ANAPC10: variants seen among roughly 807,000 people sequenced by gnomAD.
ANAPC10 encodes the protein anaphase promoting complex subunit 10.
ANAPC10 carries 12 observed loss-of-function variants against 22.0 expected under a neutral mutation model. That is an observed-to-expected ratio of 0.55 (90% CI 0.35 to 0.88). The LOEUF (loss-of-function observed/expected upper bound fraction) is 0.88, where lower values mean the gene tolerates loss of function less well. ANAPC10 is among the 40% of genes least tolerant of loss of function. ANAPC10 has a pLI of 0.01. For synonymous variants in ANAPC10, 65 were observed against 69.5 expected (o/e 0.94, Z 0.32); for missense variants, 188 against 220.9 (o/e 0.85, Z 0.94).
chr4:145,080,758 T>C (rs1745877058), intron 3 of ANAPC10, among the ~76,000 whole-genome samples: 3 of 151,560 alleles, frequency 2.0e-5, no homozygotes, highest in African/African-American at 7.3e-5. Context: ...AAATACAAAA[T>C]TAGCCGGGCG....
intron 4 of ANAPC10, among the ~76,000 whole-genome samples, chr4:145,021,876 C>T (rs1736002616): frequency 6.6e-6 from 1 of 152,046 alleles, no homozygotes; most frequent in African/African-American, 2.4e-5. Flanking sequence ...AGACAATTAT[C>T]AAAAGAAGAT....
intron 4 of ANAPC10, among the ~76,000 whole-genome samples, chr4:145,010,316 T>C (rs1222697632): frequency 6.6e-6 from 1 of 152,160 alleles, no homozygotes; most frequent in Non-Finnish European, 1.5e-5. Flanking sequence ...AGCCATCCCA[T>C]TACTGGGTAT....
At chr4:145,022,781 T>C (rs962005244) in intron 4 of ANAPC10, among the ~76,000 whole-genome samples, 2 of 128,540 alleles carry the variant, frequency 1.6e-5, no homozygotes, top group Non-Finnish European at 3.3e-5. Flanking sequence ...TTTAACTTTA[T>C]AAAAAACTGC....
chr4:145,015,961 G>C (rs1364616798), intron 4 of ANAPC10, among the ~76,000 whole-genome samples: 2 of 152,002 alleles, frequency 1.3e-5, no homozygotes, highest in African/African-American at 4.8e-5. Flanking sequence ...ACAAATCCTG[G>C]AAACACATCA....
At chr4:145,067,994 A>G (rs1743954616) in intron 3 of ANAPC10, among the ~76,000 whole-genome samples, 1 of 152,180 alleles carries the variant, frequency 6.6e-6, no homozygotes, top group South Asian at 2.1e-4. Flanking sequence ...TGGACATGAT[A>G]GGTGGAATTC....
chr4:145,064,037 G>T (rs1354943161), intron 4 of ANAPC10: 6 of 152,028 alleles, frequency 3.9e-5, no homozygotes, highest in Admixed American at 3.3e-4. Context: ...TGGTGGAAAT[G>T]TTCTATATTT....
chr4:145,000,638 G>A (rs1476131301), intron 4 of ANAPC10, among the ~76,000 whole-genome samples: 5 of 152,192 alleles, frequency 3.3e-5, no homozygotes, highest in African/African-American at 1.2e-4. Context: ...AAGACAGTGT[G>A]GTGACTGCTC....
At chr4:145,057,650 G>A (rs1321570995) in intron 4 of ANAPC10, among the ~76,000 whole-genome samples, 1 of 152,022 alleles carries the variant, frequency 6.6e-6, no homozygotes, top group Non-Finnish European at 1.5e-5. Flanking sequence ...ACTACCTACT[G>A]AAAATCCCTC....
rs1560925130 is a variant in ANAPC10, at chr4:145,081,721, T to G, written c.145A>C (p.Asn49His). 2 of 1,612,972 alleles carry G rather than the reference T, an allele frequency of 1.2e-6. No individual in the cohort carries two copies. The highest frequency in any genetic ancestry group is 2.2e-5 in the East Asian group (1 of 44,756). The stretch of plus-strand genomic sequence containing the variant: ...TCTGATTGCCAATAAGTTTCTAGAT[T>G]GTCATCTCGTAACTGATCCACTCCA... ...GFGVDQLRDD[N>H]LETYWQSDGS... The change falls in exon 3 of 5, where the codon AAT (asparagine) becomes CAT (histidine). Residue 49 changes from asparagine to histidine, a missense_variant. Coordinates refer to ENST00000507656, the MANE Select transcript of ANAPC10 (RefSeq NM_001256706.2).
chr4:145,049,544 T>C (rs189119498), intron 4 of ANAPC10, among the ~76,000 whole-genome samples: 1 of 152,324 alleles, frequency 6.6e-6, no homozygotes, highest in Non-Finnish European at 1.5e-5. Flanking sequence ...AGTTTTATAA[T>C]GAGATTGCTG....
chr4:145,034,547 G>A (rs2354424), intron 4 of ANAPC10, among the ~76,000 whole-genome samples: 17,778 of 123,558 alleles, frequency 0.14, 1,629 homozygotes, highest in East Asian at 0.26. Context: ...ATATATATGT[G>A]TGTGTGTGTG....
At chr4:145,037,485 C>T (rs1012301895) in intron 4 of ANAPC10, among the ~76,000 whole-genome samples, 3 of 151,832 alleles carry the variant, frequency 2.0e-5, no homozygotes, top group Admixed American at 6.6e-5. Flanking sequence ...TTTAAGTAAA[C>T]GTGTCAGAAA....
intron 4 of ANAPC10, among the ~76,000 whole-genome samples, chr4:145,042,547 A>G (rs572349408): frequency 6.6e-6 from 1 of 152,196 alleles, no homozygotes; most frequent in Non-Finnish European, 1.5e-5. Flanking sequence ...TCATTATTTT[A>G]TAGTATATAA....
intron 4 of ANAPC10, among the ~76,000 whole-genome samples, chr4:145,057,955 G>A (rs1252177064): frequency 6.6e-6 from 1 of 152,020 alleles, no homozygotes; most frequent in Non-Finnish European, 1.5e-5. Flanking sequence ...ATTTTTACCT[G>A]GCTAATATTA....
chr4:145,033,668 C>T (rs569970043), intron 4 of ANAPC10, among the ~76,000 whole-genome samples: 46 of 152,174 alleles, frequency 3.0e-4, no homozygotes, highest in African/African-American at 1.0e-3. Flanking sequence ...TGACCCAGAC[C>T]CTTCAGGAAC....
At chr4:145,006,712 G>A (rs1019049380) in intron 4 of ANAPC10, among the ~76,000 whole-genome samples, 3 of 151,960 alleles carry the variant, frequency 2.0e-5, no homozygotes, top group Admixed American at 1.3e-4. Context: ...TTTCATTATT[G>A]CTAAATCCAT....
chr4:145,080,422 A>G (rs1447592808), intron 3 of ANAPC10, among the ~76,000 whole-genome samples: 12 of 152,348 alleles, frequency 7.9e-5, no homozygotes, highest in African/African-American at 2.9e-4. Flanking sequence ...GAACAGCTAA[A>G]TTCTGTCATT....
intron 4 of ANAPC10, among the ~76,000 whole-genome samples, chr4:145,028,755 G>A (rs1737108403): frequency 6.6e-6 from 1 of 152,182 alleles, no homozygotes; most frequent in Non-Finnish European, 1.5e-5. Context: ...GAGCGGCAAG[G>A]AGTTTAATGA....
intron 2 of ANAPC10, among the ~76,000 whole-genome samples, chr4:145,091,351 C>T (rs1307759682): frequency 6.6e-6 from 1 of 152,176 alleles, no homozygotes; most frequent in African/African-American, 2.4e-5. Flanking sequence ...AGGAGTTCAA[C>T]TAGCACTGAT....
Sources: allele counts gnomAD v4.1 joint callset (sites outside exome capture counted in the v4.1 genomes callset), GRCh38; gene constraint gnomAD v4.1.1; transcripts MANE v1.5; gene names NCBI Gene and HGNC (gene_info 2026-07-23, HGNC 2026-07-21).